The following KHDRBS2 variants were observed in gnomAD, a reference collection of about 807,000 sequenced individuals.
The protein encoded by KHDRBS2 is KH domain-containing, RNA-binding, signal transduction-associated protein 2.
KHDRBS2 carries 26 observed loss-of-function variants against 44.3 expected under a neutral mutation model. That is an observed-to-expected ratio of 0.59 (90% confidence interval 0.43 to 0.81). The LOEUF (loss-of-function observed/expected upper bound fraction) is 0.81, where lower values mean the gene tolerates loss of function less well. Among genes scored for constraint, KHDRBS2 ranks in the 40% least tolerant of loss-of-function variants. The pLI is 0.00. For synonymous variants in KHDRBS2, 194 were observed against 151.1 expected (o/e 1.28, Z -2.08); for missense variants, 476 against 433.1 (o/e 1.10, Z -0.88).
At chr6:62,283,576 A>G (rs559322477) in intron 1 of KHDRBS2, among the ~76,000 whole-genome samples, 227 of 152,222 alleles carry the variant, frequency 1.5e-3, no homozygotes, top group African/African-American at 5.3e-3. Context: ...TTCCAAATGA[A>G]TATCTATGTC....
At chr6:61,693,247 T>C (rs182951131) in intron 8 of KHDRBS2, among the ~76,000 whole-genome samples, 64 of 152,250 alleles carry the variant, frequency 4.2e-4, no homozygotes, top group Admixed American at 2.3e-3. Flanking sequence ...CATCTGCCTA[T>C]TTGGATATTT....
At chr6:61,669,444 AATG>A in the KHDRBS2 span, among the ~76,000 whole-genome samples, 1 of 150,884 alleles carries the variant, frequency 6.6e-6, no homozygotes, top group African/African-American at 2.4e-5. Context: ...TTATAAATAT[AATG>A]ATGATTTCTT....
the KHDRBS2 span, among the ~76,000 whole-genome samples, chr6:61,550,716 T>A: frequency 7.3e-5 from 11 of 149,714 alleles, no homozygotes; most frequent in African/African-American, 2.2e-4. Flanking sequence ...CCAGCACATA[T>A]TTTTTTTTTA....
At chr6:61,982,577 G>A (rs570563947) in intron 3 of KHDRBS2, among the ~76,000 whole-genome samples, 9 of 151,272 alleles carry the variant, frequency 5.9e-5, no homozygotes, top group South Asian at 2.1e-4. Flanking sequence ...AGGCTGAGGC[G>A]AGAGAATGGC....
At chr6:62,103,792 T>C (rs1802485289) in intron 2 of KHDRBS2, among the ~76,000 whole-genome samples, 1 of 151,976 alleles carries the variant, frequency 6.6e-6, no homozygotes, top group African/African-American at 2.4e-5. Flanking sequence ...AGTTTTCTCA[T>C]CAGAAACAAT....
At chr6:62,250,211 T>G in intron 1 of KHDRBS2, among the ~76,000 whole-genome samples, 1 of 152,096 alleles carries the variant, frequency 6.6e-6, no homozygotes, top group East Asian at 1.9e-4. Flanking sequence ...CTATTGCTAA[T>G]GAAATACTGT....
chr6:62,133,068 C>A lies in KHDRBS2; in HGVS notation c.219+44117G>T, dbSNP rs865795103. ...CAGCCATAGACAATACATATACAAACGGGCTTTTTTTTTAAATAAGGATGA... is the reference window on the plus strand; with the variant it reads ...CAGCCATAGACAATACATATACAAAAGGGCTTTTTTTTTAAATAAGGATGA... On this transcript the variant is annotated intron_variant, in intron 2 of 8. Transcript: ENST00000281156. Among the ~76,000 whole-genome samples the A allele has an allele frequency of 2.6e-5, 4 of 152,030 alleles. No homozygotes were observed. In the South Asian group the frequency reaches 8.3e-4, roughly 32 times the overall value.
chr6:62,269,413 T>G lies in KHDRBS2; in HGVS notation c.91+16445A>C, dbSNP rs1330855205. 2.6e-5 allele frequency among the ~76,000 whole-genome samples: 4 copies of G among 152,060 alleles called. No homozygotes were observed. In the East Asian group the frequency reaches 7.7e-4, roughly 29 times the overall value. ...AGACCCACAATCCAATTAAAAATTT[T>G]TCTCAGCATTCTAGGCACTCATTTC... On this transcript the variant is annotated intron_variant, in intron 1 of 8. Transcript: ENST00000281156.
the KHDRBS2 span, among the ~76,000 whole-genome samples, chr6:61,549,365 T>C: frequency 6.6e-6 from 1 of 152,166 alleles, no homozygotes; most frequent in South Asian, 2.1e-4. Context: ...TCAAAGAACA[T>C]TTATTTATAT....
chr6:62,101,617 C>A (rs79457358), intron 2 of KHDRBS2, among the ~76,000 whole-genome samples: 1 of 152,038 alleles, frequency 6.6e-6, no homozygotes, highest in East Asian at 1.9e-4. Flanking sequence ...GTAGAGCTAG[C>A]TGGATATACT....
At chr6:61,915,487 T>A (rs987958994) in intron 4 of KHDRBS2, among the ~76,000 whole-genome samples, 6 of 152,020 alleles carry the variant, frequency 3.9e-5, no homozygotes, top group Admixed American at 1.3e-4. Flanking sequence ...GGCTACTGAA[T>A]TTTTATTGTC....
intron 2 of KHDRBS2, among the ~76,000 whole-genome samples, chr6:62,100,451 T>A (rs1801604394): frequency 6.6e-6 from 1 of 152,210 alleles, no homozygotes; most frequent in East Asian, 1.9e-4. Flanking sequence ...GAAGTTTTAC[T>A]GTGAGTAAAA....
chr6:62,041,538 C>T (rs1786523606), intron 3 of KHDRBS2, among the ~76,000 whole-genome samples: 1 of 152,026 alleles, frequency 6.6e-6, no homozygotes, highest in Non-Finnish European at 1.5e-5. Context: ...GACCCTGATT[C>T]TGTGATTCTC....
At chr6:61,759,327 A>AT (rs1299799863) in intron 6 of KHDRBS2, among the ~76,000 whole-genome samples, 3 of 152,010 alleles carry the variant, frequency 2.0e-5, no homozygotes, top group African/African-American at 4.8e-5. Flanking sequence ...ATTTTTGTCT[A>AT]TTTTTTGTGA....
chr6:61,867,003 C>G (rs1017764426), intron 6 of KHDRBS2, among the ~76,000 whole-genome samples: 1 of 152,172 alleles, frequency 6.6e-6, no homozygotes, highest in Non-Finnish European at 1.5e-5. Flanking sequence ...TTCTTCTGAG[C>G]CCTCCAAACT....
chr6:61,994,628 G>T (rs1776821650), intron 3 of KHDRBS2, among the ~76,000 whole-genome samples: 1 of 152,098 alleles, frequency 6.6e-6, no homozygotes, highest in Non-Finnish European at 1.5e-5. Flanking sequence ...GAGAGATAAG[G>T]CAACTACATA....
intron 1 of KHDRBS2, among the ~76,000 whole-genome samples, chr6:62,283,558 C>T (rs1190808751): frequency 6.6e-6 from 1 of 152,244 alleles, no homozygotes; most frequent in East Asian, 1.9e-4. Context: ...ATGTACTTTG[C>T]ACCTTCTTTC....
At chr6:61,710,975 T>C (rs1770421138) in intron 7 of KHDRBS2, among the ~76,000 whole-genome samples, 1 of 148,860 alleles carries the variant, frequency 6.7e-6, no homozygotes, top group South Asian at 2.2e-4. Flanking sequence ...ATTTACAGTG[T>C]TCCTAATGCA....
chr6:62,219,803 T>C (rs556120990), intron 1 of KHDRBS2, among the ~76,000 whole-genome samples: 1 of 148,052 alleles, frequency 6.8e-6, no homozygotes, highest in African/African-American at 2.4e-5. Context: ...TACTATATGA[T>C]ATATAGTTAC....
Sources: gnomAD v4.1 joint callset for allele counts (sites outside exome capture counted in the v4.1 genomes callset) on GRCh38, gnomAD v4.1.1 for gene constraint, MANE v1.5 for transcripts, NCBI Gene and HGNC (gene_info 2026-07-23, HGNC 2026-07-21) for gene names.